ROBO1: variants seen among roughly 807,000 people sequenced by gnomAD.
ROBO1 encodes roundabout homolog 1.
ROBO1 carries 149 observed loss-of-function variants against 195.9 expected under a neutral mutation model. That is an observed-to-expected ratio of 0.76 (90% CI 0.67 to 0.87). The LOEUF is 0.87. Among genes scored for constraint, ROBO1 ranks in the 40% least tolerant of loss-of-function variants. ROBO1 has a pLI of 0.00. For missense variants in ROBO1, 1,933 were observed against 2,068.3 expected (o/e 0.93, Z 1.27); for synonymous variants, 816 against 733.2 (o/e 1.11, Z -1.82).
chr3:78,810,332 A>G (rs1559879673), intron 4 of ROBO1, among the ~76,000 whole-genome samples: 1 of 152,144 alleles, frequency 6.6e-6, no homozygotes, highest in African/African-American at 2.4e-5. Context: ...TTACACAGGG[A>G]GAAAGAGAAA....
At position 79,199,460 on chromosome 3, in the gene ROBO1, G is replaced by C. The variant is rs2081718366; in HGVS notation, c.89-73921C>G. On this transcript the variant is annotated intron_variant, in intron 2 of 30. Coordinates refer to ENST00000464233, the MANE Select transcript of ROBO1 (RefSeq NM_002941.4). ...AATACTGCTAAAATGGCTCCAACTG[G>C]AATTTTACAAATTGTCTCTCATTCA... Among the ~76,000 whole-genome samples the C allele has an allele frequency of 4.0e-5, 6 of 151,704 alleles. No homozygotes were observed. In the Admixed American group the frequency reaches 4.0e-4, roughly 10 times the overall value.
rs75061088 is a variant in ROBO1 at position 79,727,174 on chromosome 3, C to T, written c.-51+40578G>A. ...CCACTAGAGAATTATGCCTCAGGTG[C>T]TATGTTAATTTACTTGCTGGCAAAC... On this transcript the variant is annotated intron_variant, in intron 1 of 30. Coordinates refer to ENST00000464233, the MANE Select transcript of ROBO1 (RefSeq NM_002941.4). Among the ~76,000 whole-genome samples, 962 of 152,194 alleles carry T rather than the reference C, an allele frequency of 6.3e-3. 6 individuals carry two copies. The highest frequency in any genetic ancestry group is 0.02 in the African/African-American group (835 of 41,534).
intron 2 of ROBO1, among the ~76,000 whole-genome samples, chr3:79,476,422 GA>G (rs1305806465): frequency 6.6e-6 from 1 of 152,018 alleles, no homozygotes; most frequent in Non-Finnish European, 1.5e-5. Flanking sequence ...CTACTCAGAG[GA>G]AAAGAAGTCA....
At chr3:79,161,537 A>C (rs2080966498) in intron 2 of ROBO1, among the ~76,000 whole-genome samples, 1 of 152,116 alleles carries the variant, frequency 6.6e-6, no homozygotes. Context: ...GTCTTTGAAA[A>C]AAAGAAATGT....
chr3:79,738,999 G>T (rs938473626), intron 1 of ROBO1, among the ~76,000 whole-genome samples: 2 of 152,184 alleles, frequency 1.3e-5, no homozygotes, highest in Non-Finnish European at 2.9e-5. Context: ...AAATGAATAA[G>T]TAACACATAA....
intron 2 of ROBO1, among the ~76,000 whole-genome samples, chr3:79,401,752 C>A (rs2037375629): frequency 6.6e-6 from 1 of 151,528 alleles, no homozygotes; most frequent in South Asian, 2.1e-4. Flanking sequence ...AGGTACTCTG[C>A]CAATAAAAAT....
chr3:79,098,910 C>T lies in ROBO1; in HGVS notation c.172+26546G>A, dbSNP rs1042018584. Among the ~76,000 whole-genome samples the T allele has an allele frequency of 1.5e-4, 23 of 151,766 alleles. 1 individual carries two copies. Among genetic ancestry groups the T allele is most frequent in the African/African-American group, 4.6e-4 (19 of 41,478 alleles). On this transcript the variant is annotated intron_variant, in intron 3 of 30. Coordinates refer to ENST00000464233, the MANE Select transcript of ROBO1 (RefSeq NM_002941.4). ...TCTTACAATTTTCTGCCTCCATAAA[C>T]GTTTCCTAACAATCACTATGAAATT...
intron 3 of ROBO1, among the ~76,000 whole-genome samples, chr3:79,072,123 G>C (rs1039353301): frequency 4.6e-5 from 7 of 151,750 alleles, no homozygotes; most frequent in African/African-American, 1.7e-4. Context: ...GAAATGGCCT[G>C]ATTTTTCATT....
chr3:78,823,687 C>T lies in ROBO1; in HGVS notation c.500-76787G>A, dbSNP rs2031273423. ...TACATTGCCCTTTTCTGTCTCTAAG[C>T]TTTTAAACATTACCTAGCATACTCT... On this transcript the variant is annotated intron_variant, in intron 4 of 30. Transcript: ENST00000464233. Among the ~76,000 whole-genome samples the T allele has an allele frequency of 2.0e-5, 3 of 152,146 alleles. No individual in the cohort carries two copies. In the South Asian group the frequency reaches 6.2e-4, roughly 32 times the overall value.
At chr3:79,292,447 C>G (rs1009580965) in intron 2 of ROBO1, among the ~76,000 whole-genome samples, 4 of 152,144 alleles carry the variant, frequency 2.6e-5, no homozygotes, top group Non-Finnish European at 5.9e-5. Context: ...GCATCCCTGT[C>G]TTGTGCCAGT....
intron 1 of ROBO1, among the ~76,000 whole-genome samples, chr3:79,721,541 A>G (rs1350281587): frequency 1.3e-5 from 2 of 152,176 alleles, no homozygotes; most frequent in Non-Finnish European, 2.9e-5. Context: ...CCGTATGGTT[A>G]GCATATGTCT....
intron 3 of ROBO1, among the ~76,000 whole-genome samples, chr3:78,952,144 C>G (rs1334533103): frequency 1.3e-5 from 2 of 151,306 alleles, no homozygotes; most frequent in Admixed American, 1.3e-4. Flanking sequence ...TCATACTCTG[C>G]TGTATAAAAT....
chr3:79,370,434 C>T (rs2036150187), intron 2 of ROBO1, among the ~76,000 whole-genome samples: 1 of 151,952 alleles, frequency 6.6e-6, no homozygotes. Flanking sequence ...TTTATATTCA[C>T]AAAACCCTAT....
At chr3:78,696,312 C>G (rs1295009678) in intron 8 of ROBO1, among the ~76,000 whole-genome samples, 1 of 152,162 alleles carries the variant, frequency 6.6e-6, no homozygotes, top group African/African-American at 2.4e-5. Context: ...AGGGGAAAAG[C>G]CTGTTTGTTT....
rs771803316 is a variant in ROBO1, at chr3:79,296,902, CT to C, written c.89-171364del. 6.1e-4 allele frequency among the ~76,000 whole-genome samples: 93 copies of C among 152,244 alleles called. 1 individual carries two copies. Among genetic ancestry groups the C allele is most frequent in the Admixed American group, 2.3e-3 (35 of 15,290 alleles). On this transcript the variant is annotated intron_variant, in intron 2 of 30. Transcript: ENST00000464233. ...TGTAAAATGTAAAACACAACACACTCTTTTTGGTATATTTAATCTTATGAAA... is the reference window on the plus strand; with the variant it reads ...TGTAAAATGTAAAACACAACACACTCTTTTGGTATATTTAATCTTATGAAA...
chr3:79,245,033 C>A (rs2082599073), intron 2 of ROBO1, among the ~76,000 whole-genome samples: 1 of 152,010 alleles, frequency 6.6e-6, no homozygotes, highest in Non-Finnish European at 1.5e-5. Flanking sequence ...ATTAAAATGT[C>A]TGAATTTTGG....
At chr3:78,916,875 CTG>C (rs2038631874) in intron 4 of ROBO1, among the ~76,000 whole-genome samples, 2 of 152,118 alleles carry the variant, frequency 1.3e-5, no homozygotes, top group Non-Finnish European at 2.9e-5. Flanking sequence ...TGGCTAAAAA[CTG>C]TCATAACCAT....
At chr3:78,979,878 T>C (rs902461095) in intron 3 of ROBO1, among the ~76,000 whole-genome samples, 4 of 152,074 alleles carry the variant, frequency 2.6e-5, no homozygotes, top group Non-Finnish European at 4.4e-5. Flanking sequence ...CCTAGTCATT[T>C]TACCCGCCAA....
At chr3:79,512,305 G>A (rs1575946120) in intron 2 of ROBO1, among the ~76,000 whole-genome samples, 1 of 152,082 alleles carries the variant, frequency 6.6e-6, no homozygotes, top group African/African-American at 2.4e-5. Context: ...CCAGTATTAT[G>A]CTGTATTTAA....
Sources: allele counts gnomAD v4.1 joint callset (sites outside exome capture counted in the v4.1 genomes callset), GRCh38; gene constraint gnomAD v4.1.1; transcripts MANE v1.5; gene names NCBI Gene and HGNC (gene_info 2026-07-23, HGNC 2026-07-21).